The following PLCH1 variants were observed in gnomAD, a reference collection of about 807,000 sequenced individuals.
The protein encoded by PLCH1 is phospholipase C eta 1, also known as 1-phosphatidylinositol 4,5-bisphosphate phosphodiesterase eta-1.
In PLCH1, 60 loss-of-function variants were observed where a neutral mutation model predicts 126.7. The ratio of observed to expected loss-of-function variants is 0.47; its 90% CI spans 0.38 to 0.59. The LOEUF is 0.59. Ranked by LOEUF, PLCH1 falls within the 20% of genes least tolerant of loss-of-function variation. The pLI is 0.00. For missense variants in PLCH1, 1,723 were observed against 2,040.0 expected (o/e 0.84, Z 2.99); for synonymous variants, 719 against 734.9 (o/e 0.98, Z 0.35).
chr3:155,664,684 G>T (rs1325670924), intron 2 of PLCH1, among the ~76,000 whole-genome samples: 2 of 152,192 alleles, frequency 1.3e-5, no homozygotes, highest in Non-Finnish European at 2.9e-5. Flanking sequence ...TTGCAAAACA[G>T]TGAGCTGTAT....
At chr3:155,497,092 G>A (rs2108113083) in intron 15 of PLCH1, among the ~76,000 whole-genome samples, 1 of 152,250 alleles carries the variant, frequency 6.6e-6, no homozygotes, top group African/African-American at 2.4e-5. Flanking sequence ...TTGGCCCTGT[G>A]GGAACTTTCT....
At chr3:155,534,250 C>T (rs1723058185) in intron 10 of PLCH1, among the ~76,000 whole-genome samples, 1 of 152,194 alleles carries the variant, frequency 6.6e-6, no homozygotes, top group Admixed American at 6.5e-5. Flanking sequence ...CACCCAAGAC[C>T]ATAGGAGCTC....
chr3:155,593,872 C>A, intron 4 of PLCH1, 69 bp downstream of exon 4: 1 of 1,489,346 alleles, frequency 6.7e-7, no homozygotes, highest in Non-Finnish European at 9.2e-7. Flanking sequence ...CTAATCCTTA[C>A]TTCACAAATG....
chr3:155,478,263 G>A (rs1713633033), downstream of PLCH1, among the ~76,000 whole-genome samples: 1 of 152,038 alleles, frequency 6.6e-6, no homozygotes, highest in Non-Finnish European at 1.5e-5. Context: ...TGGGAGACTG[G>A]GAGTAGGGAG....
chr3:155,534,833 C>T (rs1159157265), intron 10 of PLCH1, among the ~76,000 whole-genome samples: 4 of 152,130 alleles, frequency 2.6e-5, no homozygotes, highest in African/African-American at 9.7e-5. Context: ...CACTGTTCAC[C>T]CTTCTCTCTC....
chr3:155,607,237 A>G, intron 2 of PLCH1, among the ~76,000 whole-genome samples: 1 of 152,176 alleles, frequency 6.6e-6, no homozygotes, highest in East Asian at 1.9e-4. Flanking sequence ...AAAACTGGCA[A>G]ATAAAAAATG....
At chr3:155,726,506 T>A (rs1748333648) in intron 1 of PLCH1, among the ~76,000 whole-genome samples, 1 of 152,190 alleles carries the variant, frequency 6.6e-6, no homozygotes, top group African/African-American at 2.4e-5. Flanking sequence ...GCAGTTTAAT[T>A]ATATTTTGTC....
At chr3:155,699,821 T>TCCACACACACACACACACACAC in intron 2 of PLCH1, among the ~76,000 whole-genome samples, 1 of 22,522 alleles carries the variant, frequency 4.4e-5, no homozygotes, top group African/African-American at 3.4e-4. Flanking sequence ...CCTGTGACCA[T>TCCACACACACACACACACACAC]TCACACACAC....
intron 2 of PLCH1, among the ~76,000 whole-genome samples, chr3:155,650,265 G>A (rs1384404933): frequency 3.9e-5 from 6 of 152,172 alleles, no homozygotes; most frequent in African/African-American, 1.2e-4. Context: ...GACACAATTA[G>A]TACACACAGG....
At chr3:155,539,253 C>A (rs1405791424) in intron 10 of PLCH1, among the ~76,000 whole-genome samples, 1 of 152,012 alleles carries the variant, frequency 6.6e-6, no homozygotes, top group Non-Finnish European at 1.5e-5. Context: ...AGGGACATAC[C>A]TTAAGGTAAT....
intron 7 of PLCH1, among the ~76,000 whole-genome samples, chr3:155,566,240 C>CAT (rs756739774): frequency 9.9e-6 from 1 of 101,134 alleles, no homozygotes; most frequent in South Asian, 3.7e-4. Context: ...CATATATATA[C>CAT]ATATATATAC....
In PLCH1 at chr3:155,532,328, C is replaced by G. The variant is rs189354040; in HGVS notation, c.1363-8324G>C. Among the ~76,000 whole-genome samples the G allele has an allele frequency of 4.3e-3, 659 of 152,298 alleles. 2 individuals carry two copies. Among genetic ancestry groups the G allele is most frequent in the Middle Eastern group, 0.014 (4 of 294 alleles). On this transcript the variant is annotated intron_variant, in intron 10 of 22. Transcript: ENST00000460012. Reference sequence around the variant, plus strand: ...CTTTGAAGGAAGCAGACTGCTGTTCCAAGCTCTGTGAGACAGCTGAAAAAC... The same window carrying G: ...CTTTGAAGGAAGCAGACTGCTGTTCGAAGCTCTGTGAGACAGCTGAAAAAC...
chr3:155,574,222 C>A (rs1002666898), intron 6 of PLCH1, among the ~76,000 whole-genome samples: 3 of 152,134 alleles, frequency 2.0e-5, no homozygotes, highest in African/African-American at 7.2e-5. Flanking sequence ...GCCCCCCTTA[C>A]CTCTTACATA....
At chr3:155,675,648 A>T (rs1228050451) in intron 2 of PLCH1, among the ~76,000 whole-genome samples, 4 of 152,198 alleles carry the variant, frequency 2.6e-5, no homozygotes, top group African/African-American at 9.7e-5. Flanking sequence ...TTCAGTTAAA[A>T]CCTACTGTTC....
chr3:155,612,923 A>G (rs981855871), intron 2 of PLCH1, among the ~76,000 whole-genome samples: 26 of 151,494 alleles, frequency 1.7e-4, no homozygotes, highest in Non-Finnish European at 2.2e-4. Flanking sequence ...AAAAAAAAAA[A>G]AAGAAAAGAT....
At chr3:155,600,782 A>G (rs1298527289) in intron 2 of PLCH1, among the ~76,000 whole-genome samples, 1 of 152,156 alleles carries the variant, frequency 6.6e-6, no homozygotes. Context: ...TTTCATTTGT[A>G]TTATAACAGC....
At chr3:155,505,720 T>C (rs956293028) in intron 12 of PLCH1, among the ~76,000 whole-genome samples, 1 of 152,176 alleles carries the variant, frequency 6.6e-6, no homozygotes, top group Admixed American at 6.5e-5. Flanking sequence ...GATTCATACA[T>C]GTTTATTGCT....
At chr3:155,519,117 A>G (rs996941392) in intron 11 of PLCH1, among the ~76,000 whole-genome samples, 2 of 152,232 alleles carry the variant, frequency 1.3e-5, no homozygotes, top group African/African-American at 2.4e-5. Context: ...CTGAGGTTTC[A>G]TTAATATATT....
intron 1 of PLCH1, among the ~76,000 whole-genome samples, chr3:155,705,142 T>C (rs769198232): frequency 1.3e-5 from 2 of 152,142 alleles, no homozygotes; most frequent in Admixed American, 6.5e-5. Flanking sequence ...GGAAAACAAT[T>C]TGTCATCTCT....
Sources: allele counts gnomAD v4.1 joint callset (sites outside exome capture counted in the v4.1 genomes callset), GRCh38; gene constraint gnomAD v4.1.1; transcripts MANE v1.5; gene names NCBI Gene and HGNC (gene_info 2026-07-23, HGNC 2026-07-21).